Variants in IQGAP1 observed in about 807,000 individuals in gnomAD.
IQGAP1 encodes ras GTPase-activating-like protein IQGAP1.
IQGAP1 carries 66 observed loss-of-function variants against 215.6 expected under a neutral mutation model. The observed-to-expected ratio is 0.31, with a 90% confidence interval of 0.25 to 0.38. IQGAP1 has a LOEUF of 0.38. Among genes scored for constraint, IQGAP1 ranks in the 10% least tolerant of loss-of-function variants. The pLI is 1.00. For missense variants in IQGAP1, 1,712 were observed against 1,997.1 expected (o/e 0.86, Z 2.72); for synonymous variants, 772 against 728.7 (o/e 1.06, Z -0.96).
chr15:90,411,164 C>A (rs62020687), intron 2 of IQGAP1, among the ~76,000 whole-genome samples: 1 of 152,126 alleles, frequency 6.6e-6, no homozygotes, highest in African/African-American at 2.4e-5. Context: ...CATCCTTACC[C>A]CAGGTCTAAG....
At chr15:90,435,478 A>C (rs893860380) in intron 5 of IQGAP1, among the ~76,000 whole-genome samples, 1 of 152,230 alleles carries the variant, frequency 6.6e-6, no homozygotes, top group Non-Finnish European at 1.5e-5. Context: ...TCTGTCTCTA[A>C]AAAACAAAAC....
rs1223756758 is a variant in IQGAP1 at position 90,388,274 on chromosome 15, T to A, written c.-68T>A. On this transcript the variant is annotated 5_prime_UTR_variant, in exon 1 of 38. Coordinates refer to ENST00000268182, the MANE Select transcript of IQGAP1 (RefSeq NM_003870.4). ...GCAAGCCCGCGCACTTGGCAGGAGC[T>A]GTAGCTACCGCCGTCCGCGCCTCCA... is the stretch of plus-strand genomic sequence containing the variant. 5.8e-6 allele frequency: 9 copies of A among 1,555,276 alleles called. No individual in the cohort carries two copies. In the East Asian group the frequency reaches 2.1e-4, roughly 37 times the overall value.
chr15:90,476,955 T>G (rs1965988595), intron 24 of IQGAP1, 112 bp from the exon 25 acceptor site: 1 of 1,334,780 alleles, frequency 7.5e-7, no homozygotes, highest in South Asian at 1.3e-5. Flanking sequence ...ACATGTTAAT[T>G]TATTAATCTT....
At chr15:90,440,052 C>G (rs945547030) in intron 6 of IQGAP1, among the ~76,000 whole-genome samples, 2 of 152,146 alleles carry the variant, frequency 1.3e-5, no homozygotes, top group Admixed American at 6.5e-5. Flanking sequence ...TTCACCAGAC[C>G]TGGGGAAAGG....
At chr15:90,465,914 T>C (rs746838021) in intron 15 of IQGAP1, 87 bp from the exon 16 acceptor site, 9 of 986,644 alleles carry the variant, frequency 9.1e-6, no homozygotes, top group Non-Finnish European at 1.5e-5. Flanking sequence ...CCATATTTAA[T>C]TGAGTCTAGG....
At chr15:90,440,350 G>C in intron 6 of IQGAP1, 152 bp from the exon 7 acceptor site, 2 of 577,570 alleles carry the variant, frequency 3.5e-6, no homozygotes, top group Non-Finnish European at 6.2e-6. Context: ...ACTGTGTTAA[G>C]TGCTTTCCAT....
intron 17 of IQGAP1, 99 bp from the exon 18 acceptor site, chr15:90,467,351 A>G: frequency 7.9e-7 from 1 of 1,261,878 alleles, no homozygotes; most frequent in Non-Finnish European, 1.1e-6. Flanking sequence ...AGTGGTCTTC[A>G]TTTAGACTGT....
chr15:90,477,590 G>A lies in IQGAP1; in HGVS notation c.3105-75G>A, dbSNP rs995271348. ...GAGAGAAACTGTTTCAGGGAGATAGGATCTTTAAGCAGGAAGGATCTTTTA... is the reference window on the plus strand; with the variant it reads ...GAGAGAAACTGTTTCAGGGAGATAGAATCTTTAAGCAGGAAGGATCTTTTA... On this transcript the variant is annotated intron_variant, in intron 25 of 37. Coordinates refer to ENST00000268182, the MANE Select transcript of IQGAP1 (RefSeq NM_003870.4). 5.7e-6 allele frequency: 6 copies of A among 1,052,502 alleles called. No individual in the cohort carries two copies. The African/African-American group carries it at 9.4e-5, about 17-fold the overall frequency. 65.2% of individuals were successfully genotyped at this position (1,052,502 alleles called of 1,614,324 possible). A position where few individuals can be genotyped will look rare whatever the true frequency, so the allele number is the denominator to read the frequency against.
At chr15:90,477,572 A>G (rs1322741918) in intron 25 of IQGAP1, 93 bp from the exon 26 acceptor site, 2 of 921,726 alleles carry the variant, frequency 2.2e-6, no homozygotes, top group Non-Finnish European at 1.7e-6. Context: ...TTCGAGAGAA[A>G]CTGTTTCAGG....
chr15:90,436,797 T>A (rs2151017750), intron 5 of IQGAP1, among the ~76,000 whole-genome samples: 1 of 152,342 alleles, frequency 6.6e-6, no homozygotes, highest in Non-Finnish European at 1.5e-5. Context: ...TTTTGAATCC[T>A]TTCATAGCTC....
chr15:90,486,642 C>CT (rs1353915162), intron 31 of IQGAP1: 1 of 271,764 alleles, frequency 3.7e-6, no homozygotes, highest in African/African-American at 2.3e-5. Context: ...CATCCTCCTC[C>CT]TTTAGCCTTC....
chr15:90,453,663 G>A (rs1965640034), intron 13 of IQGAP1, among the ~76,000 whole-genome samples: 1 of 152,184 alleles, frequency 6.6e-6, no homozygotes, highest in Non-Finnish European at 1.5e-5. Flanking sequence ...ATATCTGGCT[G>A]TTGTGTCCCT....
chr15:90,443,611 T>G, intron 9 of IQGAP1, 133 bp downstream of exon 9: 1 of 588,530 alleles, frequency 1.7e-6, no homozygotes. Context: ...CAATAATTGC[T>G]TGTTAACAAT....
chr15:90,445,625 AC>A (rs1209494619), intron 9 of IQGAP1, among the ~76,000 whole-genome samples: 2 of 152,156 alleles, frequency 1.3e-5, no homozygotes, highest in African/African-American at 4.8e-5. Context: ...GTTTAGACTC[AC>A]CAAAAAAACT....
At position 90,497,069 on chromosome 15, in the gene IQGAP1, G is replaced by T. The variant is rs544195204; in HGVS notation, c.4752-163G>T. 8 of 552,180 alleles carry T rather than the reference G, an allele frequency of 1.4e-5. No individual in the cohort carries two copies. In the South Asian group the frequency reaches 1.9e-4, roughly 13 times the overall value. 34.2% of individuals were successfully genotyped at this position (552,180 alleles called of 1,614,324 possible). ...AAGTCCCAGAGCAGATGGTACTTGGGCTTGGCAATCTGTGCTGCTTCAGCT... is the reference window on the plus strand; with the variant it reads ...AAGTCCCAGAGCAGATGGTACTTGGTCTTGGCAATCTGTGCTGCTTCAGCT... On this transcript the variant is annotated intron_variant, in intron 36 of 37. Coordinates refer to ENST00000268182, the MANE Select transcript of IQGAP1 (RefSeq NM_003870.4).
chr15:90,497,207 C>A (rs777790443), intron 36 of IQGAP1, 25 bp from the exon 37 acceptor site: 9 of 1,171,772 alleles, frequency 7.7e-6, no homozygotes, highest in South Asian at 6.3e-5. Flanking sequence ...AAAAACCATA[C>A]CCTTACGATG....
At chr15:90,487,928 T>C (rs944025864) in intron 33 of IQGAP1, among the ~76,000 whole-genome samples, 5 of 152,052 alleles carry the variant, frequency 3.3e-5, no homozygotes, top group Non-Finnish European at 7.4e-5. Context: ...TTATATAAAA[T>C]GGTGTAGTAT....
At position 90,483,366 on chromosome 15, in the gene IQGAP1, T is replaced by C. The variant is rs1268683590; in HGVS notation, c.3561T>C (p.Ile1187=). The change falls in exon 29 of 38, where the codon ATT becomes ATC. Residue 1187 remains isoleucine (I), a synonymous_variant. Coordinates refer to ENST00000268182, the MANE Select transcript of IQGAP1 (RefSeq NM_003870.4). Reference sequence around the variant, plus strand: ...TTCTGTTTCGTCTGTTCCAGATTATTGGTAACTTGCTTTATTATCGATACA... The same window carrying C: ...TTCTGTTTCGTCTGTTCCAGATTATCGGTAACTTGCTTTATTATCGATACA... ...DAGEDELLKI[I]GNLLYYRYMN... is the part of the protein sequence containing the mutation. 7 of 1,611,324 alleles carry C rather than the reference T, an allele frequency of 4.3e-6. No homozygotes were observed. The highest frequency in any genetic ancestry group is 5.9e-6 in the Non-Finnish European group (7 of 1,177,502).
chr15:90,438,648 C>G (rs1291838450), intron 5 of IQGAP1, among the ~76,000 whole-genome samples: 2 of 151,728 alleles, frequency 1.3e-5, no homozygotes, highest in Admixed American at 1.3e-4. Context: ...TCTAAAATGT[C>G]TTATTATTTA....
Sources: allele counts gnomAD v4.1 joint callset (sites outside exome capture counted in the v4.1 genomes callset), GRCh38; gene constraint gnomAD v4.1.1; transcripts MANE v1.5; gene names NCBI Gene and HGNC (gene_info 2026-07-23, HGNC 2026-07-21).